Variants in POT1 observed in about 807,000 individuals in gnomAD.
The protein encoded by POT1 is protection of telomeres protein 1.
A neutral mutation model predicts 78.5 loss-of-function variants in POT1; 47 were observed. The observed-to-expected ratio is 0.60, with a 90% CI of 0.47 to 0.76. The LOEUF (loss-of-function observed/expected upper bound fraction) is 0.76. Ranked by LOEUF, POT1 falls within the 30% of genes least tolerant of loss-of-function variation. The probability of loss-of-function intolerance (pLI) is 0.00; values close to 1 mark genes in which losing one functional copy is unlikely to be tolerated. For synonymous variants in POT1, 259 were observed against 260.7 expected, an observed-to-expected ratio of 0.99 and a Z score of 0.06; for missense variants, 646 against 749.9, an observed-to-expected ratio of 0.86 and a Z score of 1.62.
At chr7:124,888,811 G>A (rs1244642812) in intron 6 of POT1, among the ~76,000 whole-genome samples, 3 of 151,792 alleles carry the variant, frequency 2.0e-5, no homozygotes, top group Non-Finnish European at 4.4e-5. Context: ...TTGTTTTGGG[G>A]TAGCACAAAT....
At chr7:124,907,641 C>A (rs1352951328) in intron 3 of POT1, among the ~76,000 whole-genome samples, 3 of 151,958 alleles carry the variant, frequency 2.0e-5, no homozygotes, top group Non-Finnish European at 4.4e-5. Context: ...TGAGAGTAAA[C>A]CCTAATGTAA....
chr7:124,896,758 C>T (rs1796501573), intron 5 of POT1, among the ~76,000 whole-genome samples: 1 of 151,504 alleles, frequency 6.6e-6, no homozygotes, highest in African/African-American at 2.4e-5. Context: ...AAGAAAACTA[C>T]TTAAAATTAT....
intron 17 of POT1, among the ~76,000 whole-genome samples, 194 bp downstream of exon 17, chr7:124,827,020 A>C (rs1794646812): frequency 1.3e-5 from 2 of 152,194 alleles, no homozygotes; most frequent in Non-Finnish European, 2.9e-5. Context: ...TTCACTATTC[A>C]AATGTTAAGA....
At chr7:124,916,027 C>A (rs1262365635) in intron 2 of POT1, among the ~76,000 whole-genome samples, 1 of 151,974 alleles carries the variant, frequency 6.6e-6, no homozygotes, top group Middle Eastern at 3.2e-3. Context: ...TTTAGAAATG[C>A]AAAATGGAAA....
chr7:124,883,289 C>CA (rs1239271432), intron 6 of POT1, among the ~76,000 whole-genome samples: 2 of 151,434 alleles, frequency 1.3e-5, no homozygotes, highest in African/African-American at 2.4e-5. Flanking sequence ...CTTACATAGC[C>CA]AAAAAACAGA....
At chr7:124,897,069 T>A in intron 5 of POT1, 96 bp downstream of exon 5, 2 of 673,500 alleles carry the variant, frequency 3.0e-6, no homozygotes, top group Non-Finnish European at 2.3e-6. Flanking sequence ...AATATCAGAC[T>A]ACAAAGTGGA....
intron 6 of POT1, among the ~76,000 whole-genome samples, chr7:124,877,584 C>A (rs1278390472): frequency 1.3e-5 from 2 of 151,714 alleles, no homozygotes; most frequent in Non-Finnish European, 2.9e-5. Context: ...CACCTGTAAT[C>A]CCACCGCTTA....
At chr7:124,891,701 G>C (rs959351551) in intron 6 of POT1, among the ~76,000 whole-genome samples, 1 of 150,800 alleles carries the variant, frequency 6.6e-6, no homozygotes, top group Non-Finnish European at 1.5e-5. Context: ...TTTTCTTTGT[G>C]GTTACCATGG....
intron 12 of POT1, 101 bp downstream of exon 12, chr7:124,846,841 G>A: frequency 2.5e-6 from 2 of 802,164 alleles, no homozygotes; most frequent in Non-Finnish European, 4.0e-6. Flanking sequence ...TAAAGGATAT[G>A]TGTTCTACTA....
At chr7:124,839,814 C>T (rs966176907) in intron 14 of POT1, among the ~76,000 whole-genome samples, 1 of 151,986 alleles carries the variant, frequency 6.6e-6, no homozygotes, top group Non-Finnish European at 1.5e-5. Context: ...TAAATTTAGT[C>T]AATCAAGAAA....
intron 6 of POT1, among the ~76,000 whole-genome samples, chr7:124,883,583 G>C (rs1363399759): frequency 2.0e-5 from 3 of 151,748 alleles, no homozygotes; most frequent in African/African-American, 4.8e-5. Flanking sequence ...ACAACCTTAC[G>C]GTTCTAATAT....
At chr7:124,910,111 G>A (rs1469961912) in intron 3 of POT1, among the ~76,000 whole-genome samples, 1 of 151,716 alleles carries the variant, frequency 6.6e-6, no homozygotes, top group Non-Finnish European at 1.5e-5. Context: ...AACCTGGAAG[G>A]GTACTAAAAA....
At chr7:124,869,509 C>T (rs1795815058) in intron 7 of POT1, among the ~76,000 whole-genome samples, 2 of 123,936 alleles carry the variant, frequency 1.6e-5, no homozygotes, top group African/African-American at 6.4e-5. Context: ...GGAAACAATA[C>T]TGTGAAAAGT....
At chr7:124,907,120 G>A (rs570698517) in intron 3 of POT1, among the ~76,000 whole-genome samples, 8 of 152,208 alleles carry the variant, frequency 5.3e-5, no homozygotes, top group Non-Finnish European at 8.8e-5. Context: ...TACAAAAAGT[G>A]AGAAGGCTTT....
chr7:124,842,667 A>G (rs1795055699), intron 13 of POT1, 140 bp downstream of exon 13: 1 of 554,748 alleles, frequency 1.8e-6, no homozygotes, highest in East Asian at 3.7e-5. Context: ...TTAGCACTTT[A>G]CCTAAAAAAT....
chr7:124,866,348 T>C (rs574214740), intron 7 of POT1, among the ~76,000 whole-genome samples: 266 of 152,310 alleles, frequency 1.7e-3, no homozygotes, highest in Middle Eastern at 3.4e-3. Context: ...ATGTCCAAGC[T>C]GTTAAGGAGG....
At chr7:124,912,780 C>T (rs1262563626) in intron 3 of POT1, among the ~76,000 whole-genome samples, 1 of 152,124 alleles carries the variant, frequency 6.6e-6, no homozygotes, top group Admixed American at 6.6e-5. Context: ...AGTAATATTT[C>T]AAATACAAAA....
rs190327142 is a variant in POT1 at position 124,914,587 on chromosome 7, A to C, written c.-154+987T>G. ...AGTTTTGCATCTGCAAATTCAACCAATTCAGACTGAAAAATATTCAGAAAA... is the reference window on the plus strand; with the variant it reads ...AGTTTTGCATCTGCAAATTCAACCACTTCAGACTGAAAAATATTCAGAAAA... On this transcript the variant is annotated intron_variant, in intron 3 of 18. Coordinates refer to ENST00000357628, the MANE Select transcript of POT1 (RefSeq NM_015450.3). Among the ~76,000 whole-genome samples the C allele has an allele frequency of 7.9e-5, 12 of 152,348 alleles. No homozygotes were observed. The East Asian group carries it at 2.3e-3, about 29-fold the overall frequency.
At chr7:124,894,943 A>G (rs1011597682) in intron 5 of POT1, among the ~76,000 whole-genome samples, 1 of 151,694 alleles carries the variant, frequency 6.6e-6, no homozygotes, top group East Asian at 1.9e-4. Flanking sequence ...AAATAGTTTC[A>G]CACTGCTGGT....
Sources: gnomAD v4.1 joint callset for allele counts (sites outside exome capture counted in the v4.1 genomes callset) on GRCh38, gnomAD v4.1.1 for gene constraint, MANE v1.5 for transcripts, NCBI Gene and HGNC (gene_info 2026-07-23, HGNC 2026-07-21) for gene names.